Variants in CACNB2 observed in about 807,000 individuals in gnomAD.
CACNB2 encodes the protein voltage-dependent L-type calcium channel subunit beta-2.
In CACNB2, 42 loss-of-function variants were observed where a neutral mutation model predicts 73.3. The observed-to-expected ratio is 0.57, with a 90% CI of 0.45 to 0.74. The LOEUF is 0.74. Ranked by LOEUF, CACNB2 falls within the 30% of genes least tolerant of loss-of-function variation. The pLI is 0.00. For missense variants in CACNB2, 940 were observed against 853.0 expected (o/e 1.10, Z -1.27); for synonymous variants, 348 against 310.3 (o/e 1.12, Z -1.28).
At chr10:18,229,445 A>G (rs2036141695) in intron 2 of CACNB2, among the ~76,000 whole-genome samples, 1 of 152,226 alleles carries the variant, frequency 6.6e-6, no homozygotes, top group African/African-American at 2.4e-5. Context: ...TTTAAAGTTC[A>G]TGGAGTTAAA....
chr10:18,374,587 A>G (rs1203728835), intron 2 of CACNB2, among the ~76,000 whole-genome samples: 1 of 152,132 alleles, frequency 6.6e-6, no homozygotes, highest in Non-Finnish European at 1.5e-5. Context: ...AGAAAATTTA[A>G]AAGAAATTAG....
At chr10:18,531,041 T>A (rs2052970743) in intron 10 of CACNB2, among the ~76,000 whole-genome samples, 1 of 152,034 alleles carries the variant, frequency 6.6e-6, no homozygotes, top group Non-Finnish European at 1.5e-5. Flanking sequence ...AAATTAAGAG[T>A]TTTGTGTGTA....
intron 2 of CACNB2, among the ~76,000 whole-genome samples, chr10:18,152,760 G>GTGCAT (rs1272801069): frequency 2.2e-5 from 3 of 138,980 alleles, no homozygotes; most frequent in African/African-American, 8.0e-5. Flanking sequence ...GCTCCTTAGT[G>GTGCAT]TGCATAGTAG....
At chr10:18,193,133 A>G (rs548564062) in intron 2 of CACNB2, among the ~76,000 whole-genome samples, 1 of 152,296 alleles carries the variant, frequency 6.6e-6, no homozygotes, top group African/African-American at 2.4e-5. Flanking sequence ...AAATCAGGGT[A>G]ATTAGCATAT....
At chr10:18,156,411 T>C (rs377248849) in intron 2 of CACNB2, among the ~76,000 whole-genome samples, 1 of 152,214 alleles carries the variant, frequency 6.6e-6, no homozygotes, top group Non-Finnish European at 1.5e-5. Flanking sequence ...GTCAGTGATA[T>C]GTTACAAGAG....
intron 2 of CACNB2, among the ~76,000 whole-genome samples, chr10:18,343,484 G>A (rs1240069296): frequency 6.6e-6 from 1 of 152,072 alleles, no homozygotes; most frequent in Admixed American, 6.6e-5. Flanking sequence ...GTAAAATTAG[G>A]AATAATAATA....
chr10:18,382,825 T>C (rs1475105795), intron 2 of CACNB2, among the ~76,000 whole-genome samples: 1 of 152,216 alleles, frequency 6.6e-6, no homozygotes, highest in East Asian at 1.9e-4. Context: ...GTCTCTCCTA[T>C]TGTGAATAGT....
intron 2 of CACNB2, among the ~76,000 whole-genome samples, chr10:18,154,436 C>T (rs957552411): frequency 2.0e-5 from 3 of 151,942 alleles, no homozygotes; most frequent in African/African-American, 7.3e-5. Flanking sequence ...GAGTGGGGCT[C>T]TAATTCATTA....
intron 3 of CACNB2, among the ~76,000 whole-genome samples, chr10:18,468,114 C>T (rs1313139187): frequency 6.6e-6 from 1 of 152,076 alleles, no homozygotes; most frequent in African/African-American, 2.4e-5. Context: ...AAGTAAGTAG[C>T]CTGTAGAACT....
rs550584271 is a variant in CACNB2 at position 18,422,023 on chromosome 10, G to A, written c.333+19980G>A. On this transcript the variant is annotated intron_variant, in intron 3 of 13. Coordinates refer to ENST00000324631, the MANE Select transcript of CACNB2 (RefSeq NM_201596.3). ...TGCTATAGCTGTTAAGCATGTTCTA[G>A]TTTAAACAGTTGTCAGTGATTAGCG... Among the ~76,000 whole-genome samples the A allele has an allele frequency of 3.5e-4, 54 of 152,314 alleles. No individual in the cohort carries two copies. The South Asian group carries it at 9.9e-3, about 28-fold the overall frequency.
In CACNB2 at chr10:18,498,374, C is replaced by T. The variant is rs371859398; in HGVS notation, c.353C>T (p.Ala118Val). The change falls in exon 4 of 14, where the codon GCG (alanine) becomes GTG (valine). Residue 118 changes from alanine (A) to valine (V), a missense_variant. Transcript: ENST00000324631. ...EKAKTKPVAF[A>V]VRTNVSYSAA... ...CTTTAGACAAAGCCCGTTGCATTTG[C>T]GGTTCGGACAAATGTCAGCTACAGT... The T allele has an allele frequency of 1.2e-5, 19 of 1,613,968 alleles. No individual in the cohort carries two copies. Among genetic ancestry groups the T allele is most frequent in the South Asian group, 3.3e-5 (3 of 91,086 alleles).
intron 2 of CACNB2, among the ~76,000 whole-genome samples, chr10:18,207,586 T>C (rs1490460265): frequency 4.6e-5 from 7 of 152,220 alleles, no homozygotes; most frequent in Admixed American, 1.3e-4. Context: ...TTGTAACATA[T>C]AGAAATCATG....
chr10:18,471,150 C>T (rs1391169925), intron 3 of CACNB2, among the ~76,000 whole-genome samples: 2 of 151,936 alleles, frequency 1.3e-5, no homozygotes, highest in Admixed American at 1.3e-4. Context: ...ACTAAAAATA[C>T]AAAAAATTAG....
intron 2 of CACNB2, among the ~76,000 whole-genome samples, chr10:18,374,571 A>G (rs180743052): frequency 6.6e-6 from 1 of 152,266 alleles, no homozygotes; most frequent in African/African-American, 2.4e-5. Flanking sequence ...TTATTTTTTA[A>G]AAAATAGAAA....
intron 3 of CACNB2, among the ~76,000 whole-genome samples, chr10:18,418,262 A>G (rs974922170): frequency 1.4e-4 from 22 of 152,162 alleles, no homozygotes; most frequent in African/African-American, 5.3e-4. Context: ...TTTAGTAGCA[A>G]TGGGGTTTCA....
intron 3 of CACNB2, among the ~76,000 whole-genome samples, chr10:18,417,951 T>C (rs1237878026): frequency 6.6e-6 from 1 of 152,198 alleles, no homozygotes; most frequent in Non-Finnish European, 1.5e-5. Flanking sequence ...AACTAAAAAT[T>C]ACAGCAGCCA....
intron 2 of CACNB2, among the ~76,000 whole-genome samples, chr10:18,175,258 A>C (rs972260131): frequency 6.6e-6 from 1 of 152,204 alleles, no homozygotes; most frequent in African/African-American, 2.4e-5. Context: ...CGTTGTCCAC[A>C]CTGGTACCAG....
intron 2 of CACNB2, among the ~76,000 whole-genome samples, chr10:18,229,371 G>A (rs1240774089): frequency 2.0e-5 from 3 of 152,152 alleles, no homozygotes; most frequent in Non-Finnish European, 4.4e-5. Flanking sequence ...TGGGAAAATA[G>A]CAGAGATCTA....
chr10:18,331,734 C>G (rs1026173368), intron 2 of CACNB2, among the ~76,000 whole-genome samples: 1 of 152,104 alleles, frequency 6.6e-6, no homozygotes, highest in Non-Finnish European at 1.5e-5. Flanking sequence ...AGCAACTTAG[C>G]CAGTTAGTTA....
Sources: gnomAD v4.1 joint callset for allele counts (sites outside exome capture counted in the v4.1 genomes callset) on GRCh38, gnomAD v4.1.1 for gene constraint, MANE v1.5 for transcripts, NCBI Gene and HGNC (gene_info 2026-07-23, HGNC 2026-07-21) for gene names.